The following SLC25A42 variants were observed in gnomAD, a reference collection of about 807,000 sequenced individuals.
SLC25A42 encodes solute carrier family 25 member 42.
In SLC25A42, 19 loss-of-function variants were observed where a neutral mutation model predicts 34.7. The observed-to-expected ratio is 0.55, with a 90% CI of 0.38 to 0.80. The LOEUF is 0.80. Ranked by LOEUF, SLC25A42 falls within the 30% of genes least tolerant of loss-of-function variation. The pLI is 0.00. For missense variants in SLC25A42, 364 were observed against 441.3 expected, an observed-to-expected ratio of 0.82 and a Z score of 1.57; for synonymous variants, 205 against 191.2, an observed-to-expected ratio of 1.07 and a Z score of -0.59.
In SLC25A42 at chr19:19,067,246, G is replaced by T. The variant is rs193041238; in HGVS notation, c.-35+3131G>T. ...CTTAGGTGTTCTGGCTTGTGGGGTA[G>T]GGATTAAACATTAGACTTGTTTCTC... On this transcript the variant is annotated intron_variant, in intron 1 of 7. Transcript: ENST00000318596. Among the ~76,000 whole-genome samples the T allele has an allele frequency of 3.7e-4, 56 of 152,206 alleles. 1 individual carries two copies. The highest frequency in any genetic ancestry group is 1.3e-3 in the African/African-American group (52 of 41,528).
chr19:19,071,369 G>A (rs2059629244), intron 1 of SLC25A42, among the ~76,000 whole-genome samples: 1 of 152,108 alleles, frequency 6.6e-6, no homozygotes, highest in Admixed American at 6.5e-5. Context: ...ATTATCTCCT[G>A]TTGATACCTG....
intron 3 of SLC25A42, among the ~76,000 whole-genome samples, chr19:19,102,794 C>T (rs1020213673): frequency 1.8e-4 from 27 of 151,642 alleles, no homozygotes; most frequent in Non-Finnish European, 3.2e-4. Flanking sequence ...AAATCCACTT[C>T]GAATCTGTAC....
At chr19:19,092,143 C>T (rs1451682130) in intron 1 of SLC25A42, among the ~76,000 whole-genome samples, 4 of 152,310 alleles carry the variant, frequency 2.6e-5, no homozygotes, top group South Asian at 2.1e-4. Context: ...TCTGTGTCTC[C>T]TACTCTGTCT....
intron 1 of SLC25A42, among the ~76,000 whole-genome samples, chr19:19,065,471 T>G (rs1389892462): frequency 1.3e-5 from 2 of 152,216 alleles, no homozygotes; most frequent in African/African-American, 4.8e-5. Context: ...GAGTCTGATT[T>G]GCAAGCATGC....
chr19:19,109,685 G>A lies in SLC25A42; in HGVS notation c.650-884G>A, dbSNP rs1045473280. Among the ~76,000 whole-genome samples the A allele has an allele frequency of 4.6e-5, 7 of 152,082 alleles. No homozygotes were observed. Among genetic ancestry groups the A allele is most frequent in the African/African-American group, 1.7e-4 (7 of 41,392 alleles). On this transcript the variant is annotated intron_variant, in intron 7 of 7. Transcript: ENST00000318596. This position sits in a 1 kb window ranked among gnomAD's most constrained non-coding sequence, Gnocchi z 4.1. ...TGGGCTCAAGTGATCCGCCTGCCTT[G>A]GCCTCCCAAAGTGCTGAGATTACAG...
intron 1 of SLC25A42, among the ~76,000 whole-genome samples, chr19:19,066,881 C>T (rs1393427114): frequency 6.6e-6 from 1 of 152,086 alleles, no homozygotes; most frequent in East Asian, 1.9e-4. Context: ...CCCTGTCTTG[C>T]TGGCCATGCC....
chr19:19,078,485 G>A (rs1196434786), intron 1 of SLC25A42, among the ~76,000 whole-genome samples: 1 of 152,054 alleles, frequency 6.6e-6, no homozygotes, highest in African/African-American at 2.4e-5. Flanking sequence ...CTCCCACATA[G>A]ACTCTGTGCA....
At chr19:19,082,670 T>G (rs189321802) in intron 1 of SLC25A42, among the ~76,000 whole-genome samples, 400 of 152,042 alleles carry the variant, frequency 2.6e-3, no homozygotes, top group Non-Finnish European at 4.5e-3. Context: ...GCCTTTTTTT[T>G]TTGTTTTTGA....
At chr19:19,097,035 C>G (rs1431789139) in intron 2 of SLC25A42, among the ~76,000 whole-genome samples, 1 of 152,184 alleles carries the variant, frequency 6.6e-6, no homozygotes, top group Non-Finnish European at 1.5e-5. Context: ...GTCCACAATT[C>G]CACTGAAGAA....
At chr19:19,069,521 A>G (rs2059618712) in intron 1 of SLC25A42, among the ~76,000 whole-genome samples, 1 of 152,204 alleles carries the variant, frequency 6.6e-6, no homozygotes, top group South Asian at 2.1e-4. Context: ...TTCCTTCTGG[A>G]GGCTCTGAGG....
At chr19:19,076,275 C>T (rs2059655785) in intron 1 of SLC25A42, among the ~76,000 whole-genome samples, 1 of 151,760 alleles carries the variant, frequency 6.6e-6, no homozygotes, top group South Asian at 2.1e-4. Context: ...CCAGCCTGCC[C>T]AACATGGTGA....
chr19:19,076,307 A>C (rs543318685), intron 1 of SLC25A42, among the ~76,000 whole-genome samples: 137 of 152,082 alleles, frequency 9.0e-4, no homozygotes, highest in Middle Eastern at 3.4e-3. Context: ...TACTAAAAAA[A>C]AAAAATACAA....
intron 1 of SLC25A42, among the ~76,000 whole-genome samples, chr19:19,086,924 A>G (rs916715653): frequency 2.8e-4 from 43 of 152,328 alleles, no homozygotes; most frequent in African/African-American, 9.9e-4. Context: ...GCAGTCAAAC[A>G]AACTACAAAC....
At position 19,111,296 on chromosome 19, in the gene SLC25A42, T is replaced by G; in HGVS notation, c.*420T>G. ...CCTTCTTGTTCTGACTCCACGTGCC[T>G]GCCCGGCCTCCAGGGTGCGGGGGCG... On this transcript the variant is annotated 3_prime_UTR_variant, in exon 8 of 8. Coordinates refer to ENST00000318596, the MANE Select transcript of SLC25A42 (RefSeq NM_178526.5). 5.4e-6 allele frequency: 1 copy of G among 185,852 alleles called. No individual in the cohort carries two copies. The allele number at this position is 185,852 out of a possible 1,614,324, so 11.5% of individuals were successfully genotyped here.
At chr19:19,079,731 C>A (rs917175365) in intron 1 of SLC25A42, among the ~76,000 whole-genome samples, 1 of 152,134 alleles carries the variant, frequency 6.6e-6, no homozygotes, top group Admixed American at 6.6e-5. Flanking sequence ...GTACAAGTTT[C>A]ATTGTTGTTG....
intron 1 of SLC25A42, among the ~76,000 whole-genome samples, chr19:19,093,406 T>C (rs1278646252): frequency 2.0e-5 from 3 of 152,320 alleles, no homozygotes; most frequent in Admixed American, 6.5e-5. Flanking sequence ...GCATAACCTC[T>C]CACAGTGCTG....
chr19:19,066,117 A>C (rs544259840), intron 1 of SLC25A42, among the ~76,000 whole-genome samples: 4 of 152,242 alleles, frequency 2.6e-5, no homozygotes, highest in Admixed American at 2.6e-4. Flanking sequence ...TCAGCCTCCC[A>C]AGATGCTGGG....
At chr19:19,064,643 C>A (rs1462616241) in intron 1 of SLC25A42, among the ~76,000 whole-genome samples, 2 of 151,516 alleles carry the variant, frequency 1.3e-5, no homozygotes, top group Non-Finnish European at 2.9e-5. Context: ...CCCCCAGCAA[C>A]CTGTGTCTCT....
At chr19:19,100,256 C>T (rs563564036) in intron 2 of SLC25A42, among the ~76,000 whole-genome samples, 1 of 152,070 alleles carries the variant, frequency 6.6e-6, no homozygotes, top group African/African-American at 2.4e-5. Flanking sequence ...GGAGGAGAAT[C>T]GCTTGAACCC....
Sources: allele counts gnomAD v4.1 joint callset (sites outside exome capture counted in the v4.1 genomes callset), GRCh38; gene constraint gnomAD v4.1.1; non-coding constraint Gnocchi (gnomAD v3.1); transcripts MANE v1.5; gene names NCBI Gene and HGNC (gene_info 2026-07-23, HGNC 2026-07-21).